Variants in PCCA observed in about 807,000 individuals in gnomAD.
PCCA encodes the protein propionyl-CoA carboxylase subunit alpha, also known as propionyl-CoA carboxylase alpha chain, mitochondrial.
A neutral mutation model predicts 101.3 loss-of-function variants in PCCA; 74 were observed. That is an observed-to-expected ratio of 0.73 (90% CI 0.61 to 0.89). PCCA has a LOEUF of 0.89. Ranked by LOEUF, PCCA falls within the 40% of genes least tolerant of loss-of-function variation. The probability of loss-of-function intolerance (pLI) is 0.00; values close to 1 mark genes in which losing one functional copy is unlikely to be tolerated. For synonymous variants in PCCA, 294 were observed against 313.6 expected, an observed-to-expected ratio of 0.94 and a Z score of 0.66; for missense variants, 891 against 907.0, an observed-to-expected ratio of 0.98 and a Z score of 0.23.
intron 12 of PCCA, among the ~76,000 whole-genome samples, chr13:100,290,600 T>A (rs9300597): frequency 1.3e-5 from 2 of 151,996 alleles, no homozygotes; most frequent in Admixed American, 1.3e-4. Flanking sequence ...TAACCCTGCC[T>A]TTTAGTCCAT....
intron 8 of PCCA, among the ~76,000 whole-genome samples, chr13:100,247,488 T>A (rs1466094200): frequency 6.6e-6 from 1 of 150,550 alleles, no homozygotes; most frequent in African/African-American, 2.5e-5. Context: ...AGTGCTGGGA[T>A]TACAGGTGTG....
intron 19 of PCCA, among the ~76,000 whole-genome samples, chr13:100,382,412 G>T (rs1209107704): frequency 6.6e-6 from 1 of 152,112 alleles, no homozygotes; most frequent in Admixed American, 6.5e-5. Context: ...GTGGGGTGGG[G>T]CCATGGGTAG....
chr13:100,516,973 A>G (rs896782806), intron 22 of PCCA, among the ~76,000 whole-genome samples: 8 of 143,962 alleles, frequency 5.6e-5, no homozygotes, highest in Non-Finnish European at 3.0e-5. Flanking sequence ...TTTTTTCTGG[A>G]AGGCATCTAT....
At chr13:100,156,932 A>G (rs1292736805) in intron 5 of PCCA, among the ~76,000 whole-genome samples, 1 of 152,230 alleles carries the variant, frequency 6.6e-6, no homozygotes, top group African/African-American at 2.4e-5. Flanking sequence ...AATTGTGGGC[A>G]AAGTTAGCCT....
At chr13:100,331,894 A>AAT (rs2069636345) in intron 17 of PCCA, among the ~76,000 whole-genome samples, 1 of 151,266 alleles carries the variant, frequency 6.6e-6, no homozygotes, top group Non-Finnish European at 1.5e-5. Context: ...GAAAAAAAAA[A>AAT]AATCTTAGCC....
intron 6 of PCCA, among the ~76,000 whole-genome samples, chr13:100,185,875 G>A (rs1295059643): frequency 2.0e-5 from 3 of 152,070 alleles, no homozygotes; most frequent in Admixed American, 2.0e-4. Context: ...TCGAACTCCC[G>A]ACCTCAGGCG....
intron 7 of PCCA, among the ~76,000 whole-genome samples, chr13:100,233,847 G>GAT (rs1318780229): frequency 1.3e-5 from 2 of 152,192 alleles, no homozygotes; most frequent in African/African-American, 4.8e-5. Flanking sequence ...GCATGCTATA[G>GAT]AAGTGTTGGA....
intron 21 of PCCA, among the ~76,000 whole-genome samples, chr13:100,506,739 C>T (rs1304913401): frequency 6.6e-6 from 1 of 152,068 alleles, no homozygotes; most frequent in Non-Finnish European, 1.5e-5. Context: ...GACAGCATGA[C>T]TTCAACTTGA....
chr13:100,153,941 C>T lies in PCCA; in HGVS notation c.301-1038C>T, dbSNP rs533279151. ...AGAGAATTCTTAGCTTTCTAAAAGA[C>T]TACTTTTTTAGTTTTTTAAGATCTC... is the stretch of plus-strand genomic sequence containing the variant. On this transcript the variant is annotated intron_variant, in intron 4 of 23. Transcript: ENST00000376285. Among the ~76,000 whole-genome samples, 5 of 152,116 alleles carry T rather than the reference C, an allele frequency of 3.3e-5. No homozygotes were observed. The East Asian group carries it at 5.8e-4, about 18-fold the overall frequency.
chr13:100,329,898 A>T (rs970723120), intron 16 of PCCA, among the ~76,000 whole-genome samples: 3 of 152,200 alleles, frequency 2.0e-5, no homozygotes, highest in Non-Finnish European at 4.4e-5. Flanking sequence ...AATCGATGGG[A>T]TACACCAAAA....
chr13:100,510,541 T>C (rs2086403374), intron 21 of PCCA, among the ~76,000 whole-genome samples: 1 of 152,216 alleles, frequency 6.6e-6, no homozygotes, highest in Non-Finnish European at 1.5e-5. Context: ...CTGTCTGAGC[T>C]GGGAGATTGA....
chr13:100,401,819 T>C (rs2077381387), intron 19 of PCCA, among the ~76,000 whole-genome samples: 1 of 152,236 alleles, frequency 6.6e-6, no homozygotes, highest in Admixed American at 6.5e-5. Flanking sequence ...AATAATAGAA[T>C]AGTCTTACTT....
intron 21 of PCCA, chr13:100,491,704 C>G (rs2084922270): frequency 1.5e-6 from 2 of 1,302,818 alleles, no homozygotes; most frequent in Admixed American, 4.6e-5. Flanking sequence ...GGTGCTGCGG[C>G]CTGGTGGCTG....
intron 19 of PCCA, among the ~76,000 whole-genome samples, chr13:100,404,747 A>G (rs1272355226): frequency 6.6e-6 from 1 of 152,130 alleles, no homozygotes; most frequent in African/African-American, 2.4e-5. Flanking sequence ...GGGGGTGAGA[A>G]TCATCCACTC....
chr13:100,201,014 T>C (rs2058452329), intron 6 of PCCA, among the ~76,000 whole-genome samples: 1 of 152,188 alleles, frequency 6.6e-6, no homozygotes, highest in African/African-American at 2.4e-5. Context: ...TCACAATTGC[T>C]TATTTGTCTT....
intron 19 of PCCA, among the ~76,000 whole-genome samples, chr13:100,378,133 T>G (rs915057402): frequency 6.6e-6 from 1 of 152,184 alleles, no homozygotes; most frequent in Non-Finnish European, 1.5e-5. Context: ...ATTCCACTGG[T>G]CAAATTCGGC....
intron 18 of PCCA, among the ~76,000 whole-genome samples, chr13:100,354,641 A>C (rs1269825431): frequency 6.6e-6 from 1 of 152,182 alleles, no homozygotes; most frequent in Non-Finnish European, 1.5e-5. Flanking sequence ...CTGAAATTGT[A>C]AAATCATGAA....
intron 21 of PCCA, among the ~76,000 whole-genome samples, chr13:100,466,761 G>A: frequency 6.6e-6 from 1 of 152,180 alleles, no homozygotes; most frequent in South Asian, 2.1e-4. Flanking sequence ...GGGAGGCTGA[G>A]GCAGGAGAAT....
At chr13:100,299,270 G>A (rs1398006796) in intron 12 of PCCA, among the ~76,000 whole-genome samples, 1 of 152,192 alleles carries the variant, frequency 6.6e-6, no homozygotes. Context: ...CCCATTCAAA[G>A]TGGATCTGAT....
Sources: allele counts gnomAD v4.1 joint callset (sites outside exome capture counted in the v4.1 genomes callset), GRCh38; gene constraint gnomAD v4.1.1; transcripts MANE v1.5; gene names NCBI Gene and HGNC (gene_info 2026-07-23, HGNC 2026-07-21).